Variants in SLC67A2 observed in about 807,000 individuals in gnomAD.
The protein encoded by SLC67A2 is solute carrier family 67 member 2.
chr2:102,719,978 G>A, the SLC67A2 span, among the ~76,000 whole-genome samples: 3 of 152,238 alleles, frequency 2.0e-5, no homozygotes, highest in South Asian at 2.1e-4. Context: ...GGCTCTAACC[G>A]CCACTCAGAT....
chr2:102,732,000 A>G, the SLC67A2 span: 1 of 453,452 alleles, frequency 2.2e-6, no homozygotes, highest in South Asian at 1.8e-5. Context: ...GGGTTCCTGT[A>G]GGCAGGAGTC....
chr2:102,721,375 A>G, the SLC67A2 span, among the ~76,000 whole-genome samples: 1 of 152,234 alleles, frequency 6.6e-6, no homozygotes, highest in Non-Finnish European at 1.5e-5. Flanking sequence ...GCAACAAATC[A>G]TAATGTATTT....
At chr2:102,723,435 C>T in the SLC67A2 span, among the ~76,000 whole-genome samples, 3 of 152,066 alleles carry the variant, frequency 2.0e-5, no homozygotes, top group African/African-American at 7.2e-5. Context: ...CATCACTGCA[C>T]TCCAGCCTGG....
At chr2:102,731,043 G>A in the SLC67A2 span, 1 of 1,613,840 alleles carries the variant, frequency 6.2e-7, no homozygotes, top group Admixed American at 1.7e-5. Flanking sequence ...TGCTAGAAAA[G>A]AGTTGCAAAA....
chr2:102,730,288 G>T, the SLC67A2 span, among the ~76,000 whole-genome samples: 1 of 152,092 alleles, frequency 6.6e-6, no homozygotes, highest in Admixed American at 6.5e-5. Context: ...GGGCTCAAGC[G>T]ATCCTCCAAC....
At chr2:102,735,467 C>T in the SLC67A2 span, among the ~76,000 whole-genome samples, 1 of 152,192 alleles carries the variant, frequency 6.6e-6, no homozygotes, top group Non-Finnish European at 1.5e-5. Context: ...AAAACGATGA[C>T]TCCCTGCCAG....
At chr2:102,718,482 T>C in the SLC67A2 span, 1 of 1,614,116 alleles carries the variant, frequency 6.2e-7, no homozygotes, top group Non-Finnish European at 8.5e-7. Flanking sequence ...AGAGACATTA[T>C]GAAAATGGCC....
chr2:102,724,372 G>A, the SLC67A2 span, among the ~76,000 whole-genome samples: 1 of 152,312 alleles, frequency 6.6e-6, no homozygotes, highest in East Asian at 1.9e-4. Context: ...GAGAAACGGA[G>A]CTGGGGAGAG....
chr2:102,726,601 G>GAC, the SLC67A2 span, among the ~76,000 whole-genome samples: 6 of 151,796 alleles, frequency 4.0e-5, no homozygotes, highest in Non-Finnish European at 7.4e-5. Context: ...TATAGACATA[G>GAC]ACACACACAC....
At chr2:102,735,846 G>GCACACA in the SLC67A2 span, among the ~76,000 whole-genome samples, 1,218 of 149,684 alleles carry the variant, frequency 8.1e-3, 25 homozygotes, top group African/African-American at 0.026. Context: ...ACGCGCGCGC[G>GCACACA]CACACACACA....
the SLC67A2 span, among the ~76,000 whole-genome samples, chr2:102,722,887 A>G: frequency 6.6e-6 from 1 of 152,254 alleles, no homozygotes; most frequent in Non-Finnish European, 1.5e-5. Context: ...CGATTTGCAA[A>G]TCATACATCT....
chr2:102,720,930 T>A, the SLC67A2 span, among the ~76,000 whole-genome samples: 4 of 152,216 alleles, frequency 2.6e-5, no homozygotes, highest in Non-Finnish European at 5.9e-5. Flanking sequence ...TTCACTGCAC[T>A]GAATGGCCAA....
At chr2:102,723,209 G>A in the SLC67A2 span, among the ~76,000 whole-genome samples, 1 of 152,364 alleles carries the variant, frequency 6.6e-6, no homozygotes, top group Non-Finnish European at 1.5e-5. Flanking sequence ...AGTGGCTCGC[G>A]CCTGTAATCC....
the SLC67A2 span, chr2:102,723,762 T>A: frequency 3.1e-6 from 5 of 1,613,908 alleles, no homozygotes; most frequent in Non-Finnish European, 4.2e-6. Context: ...ATCCTCTAAT[T>A]CAGTGAGATA....
the SLC67A2 span, among the ~76,000 whole-genome samples, chr2:102,735,984 A>G: frequency 6.6e-6 from 1 of 152,228 alleles, no homozygotes; most frequent in South Asian, 2.1e-4. Flanking sequence ...TCTAGTGAAA[A>G]TGCACCCAAT....
chr2:102,721,943 CAA>C, the SLC67A2 span, among the ~76,000 whole-genome samples: 1 of 152,202 alleles, frequency 6.6e-6, no homozygotes, highest in Non-Finnish European at 1.5e-5. Context: ...TGGGCTCAAG[CAA>C]TCCTCGCGCT....
the SLC67A2 span, among the ~76,000 whole-genome samples, chr2:102,715,027 G>T: frequency 6.6e-6 from 1 of 152,058 alleles, no homozygotes; most frequent in Non-Finnish European, 1.5e-5. Context: ...CATCACCTGG[G>T]AATTATTCAC....
the SLC67A2 span, chr2:102,736,637 C>T: frequency 6.2e-7 from 1 of 1,613,790 alleles, no homozygotes. Flanking sequence ...CCCCCACGCT[C>T]GCACTCACCA....
chr2:102,727,025 C>T, the SLC67A2 span: 2 of 1,587,254 alleles, frequency 1.3e-6, no homozygotes, highest in East Asian at 4.5e-5. Context: ...TAACGACTAC[C>T]ACCATGCAAA....
Sources: allele counts gnomAD v4.1 joint callset (sites outside exome capture counted in the v4.1 genomes callset), GRCh38; gene constraint gnomAD v4.1.1; transcripts MANE v1.5; gene names NCBI Gene and HGNC (gene_info 2026-07-23, HGNC 2026-07-21).